The following EFCAB5 variants were observed in gnomAD, a reference collection of about 807,000 sequenced individuals.
The protein encoded by EFCAB5 is EF-hand calcium-binding domain-containing protein 5.
EFCAB5 carries 131 observed loss-of-function variants against 167.9 expected under a neutral mutation model. That is an observed-to-expected ratio of 0.78 (90% CI 0.68 to 0.90). The LOEUF (loss-of-function observed/expected upper bound fraction) is 0.90, where lower values mean the gene tolerates loss of function less well. EFCAB5 is among the 40% of genes least tolerant of loss of function. EFCAB5 has a pLI of 0.00. For missense variants in EFCAB5, 1,663 were observed against 1,745.2 expected, an observed-to-expected ratio of 0.95 and a Z score of 0.84; for synonymous variants, 574 against 602.8, an observed-to-expected ratio of 0.95 and a Z score of 0.70.
chr17:30,080,700 A>G, intron 16 of EFCAB5, 53 bp from the exon 17 acceptor site: 3 of 1,329,762 alleles, frequency 2.3e-6, no homozygotes, highest in Non-Finnish European at 3.1e-6. Flanking sequence ...TCCATGGTTT[A>G]ATCTAAATCT....
chr17:30,034,657 A>G (rs1229929710), intron 8 of EFCAB5, among the ~76,000 whole-genome samples: 1 of 152,212 alleles, frequency 6.6e-6, no homozygotes, highest in African/African-American at 2.4e-5. Flanking sequence ...GCAAAAACAA[A>G]ATGTAAACTA....
intron 4 of EFCAB5, 127 bp from the exon 5 acceptor site, chr17:29,993,038 T>G: frequency 1.0e-6 from 1 of 994,734 alleles, no homozygotes; most frequent in South Asian, 2.2e-5. Flanking sequence ...ACTACAGGCC[T>G]GAATCAAAGA....
chr17:29,992,917 A>C (rs2068453576), intron 4 of EFCAB5, among the ~76,000 whole-genome samples: 1 of 152,170 alleles, frequency 6.6e-6, no homozygotes, highest in African/African-American at 2.4e-5. Flanking sequence ...ATACTTCTTA[A>C]GTCTAGTATT....
intron 7 of EFCAB5, among the ~76,000 whole-genome samples, chr17:30,013,459 A>G (rs1172313047): frequency 2.0e-5 from 3 of 151,804 alleles, no homozygotes; most frequent in Non-Finnish European, 4.4e-5. Flanking sequence ...GTAAGCTATT[A>G]ATTGTTGCCT....
At chr17:30,072,503 C>T (rs1449391501) in intron 14 of EFCAB5, among the ~76,000 whole-genome samples, 1 of 152,130 alleles carries the variant, frequency 6.6e-6, no homozygotes, top group African/African-American at 2.4e-5. Context: ...GCATAAAATT[C>T]CTGATGCTAT....
chr17:30,090,474 G>A lies in EFCAB5; in HGVS notation c.3737G>A (p.Cys1246Tyr), dbSNP rs2071173336. 1.2e-6 allele frequency: 2 copies of A among 1,614,022 alleles called. No individual in the cohort carries two copies. ...TCAGAAGTTGTTCTGGCTTCTGCCT[G>A]TGGAGAAACGCATATAGTAGTTCCA... is the stretch of plus-strand genomic sequence containing the variant. ...DSSEVVLASA[C>Y]GETHIVVPLR... The change falls in exon 20 of 23, where the codon TGT becomes TAT. Residue 1246 changes from cysteine to tyrosine, a missense_variant. Cys to Tyr is a radical substitution (Grantham distance 194). Transcript: ENST00000394835.
intron 14 of EFCAB5, among the ~76,000 whole-genome samples, chr17:30,065,928 G>A (rs9898424): frequency 0.61 from 92,776 of 152,050 alleles, 30,254 homozygotes; most frequent in African/African-American, 0.85. Context: ...TGCACCCAAC[G>A]TCAGAGCACT....
At chr17:30,069,971 G>T (rs532386727) in intron 14 of EFCAB5, among the ~76,000 whole-genome samples, 41 of 152,284 alleles carry the variant, frequency 2.7e-4, no homozygotes, top group East Asian at 1.4e-3. Context: ...TGGCAGGGGG[G>T]GCTGCTCCAG....
intron 22 of EFCAB5, among the ~76,000 whole-genome samples, chr17:30,095,093 T>C (rs2071270373): frequency 6.6e-6 from 1 of 152,172 alleles, no homozygotes; most frequent in Non-Finnish European, 1.5e-5. Context: ...GCTGCATGTC[T>C]CCCTCCCAGG....
chr17:30,077,654 G>T (rs1265838187), intron 14 of EFCAB5, among the ~76,000 whole-genome samples: 2 of 152,220 alleles, frequency 1.3e-5, no homozygotes, highest in Non-Finnish European at 1.5e-5. Context: ...GAGTAGAATG[G>T]AGATACTGCA....
At chr17:30,076,798 G>A (rs528405305) in intron 14 of EFCAB5, among the ~76,000 whole-genome samples, 17 of 152,254 alleles carry the variant, frequency 1.1e-4, no homozygotes, top group East Asian at 3.9e-4. Context: ...GAGAATAACC[G>A]AAACACCCAC....
chr17:30,069,445 G>T (rs747256580), intron 14 of EFCAB5: 14 of 1,557,674 alleles, frequency 9.0e-6, no homozygotes, highest in Non-Finnish European at 1.2e-5. Context: ...TCACGGAAAA[G>T]GTTTTGCAAC....
At chr17:30,049,311 C>G (rs1301796059) in intron 8 of EFCAB5, among the ~76,000 whole-genome samples, 1 of 152,040 alleles carries the variant, frequency 6.6e-6, no homozygotes, top group African/African-American at 2.4e-5. Context: ...GAAACCCTGT[C>G]TCTACTAAAA....
chr17:30,043,272 T>G (rs746968212), intron 8 of EFCAB5, among the ~76,000 whole-genome samples: 7 of 152,200 alleles, frequency 4.6e-5, no homozygotes, highest in Non-Finnish European at 7.3e-5. Flanking sequence ...AAAGCACATC[T>G]ATGAACAACT....
rs1427688594 is a variant in EFCAB5, at chr17:30,051,150, C to A, written c.1233C>A (p.Ala411=). 17 of 1,613,888 alleles carry A rather than the reference C, an allele frequency of 1.1e-5. No homozygotes were observed. Among genetic ancestry groups the A allele is most frequent in the Non-Finnish European group, 1.4e-5 (17 of 1,179,868 alleles). The change falls in exon 9 of 23, where the codon GCC becomes GCA. Residue 411 remains alanine (A), a synonymous_variant. Transcript: ENST00000394835. The part of the protein sequence containing the change: ...VGFLDRQRTL[A]LLELFYDHSS... ...TTTTGGATCGGCAGAGGACATTGGC[C>A]CTGCTGGAATTGTTCTATGACCATA...
intron 4 of EFCAB5, among the ~76,000 whole-genome samples, chr17:29,974,984 G>A (rs1202547552): frequency 6.6e-6 from 1 of 151,936 alleles, no homozygotes; most frequent in Non-Finnish European, 1.5e-5. Context: ...TTGAGGCCAC[G>A]AGTTCAAGAC....
intron 8 of EFCAB5, among the ~76,000 whole-genome samples, chr17:30,044,028 T>C (rs1459813855): frequency 6.6e-6 from 1 of 152,148 alleles, no homozygotes; most frequent in Non-Finnish European, 1.5e-5. Flanking sequence ...ATATTTATGA[T>C]ATATTTAATG....
At chr17:30,034,412 T>C in intron 8 of EFCAB5, 27 bp downstream of exon 8, 1 of 1,555,954 alleles carries the variant, frequency 6.4e-7, no homozygotes, top group Non-Finnish European at 8.7e-7. Flanking sequence ...AAATAATTGC[T>C]TCTTGGCCAG....
At position 30,056,125 on chromosome 17, in the gene EFCAB5, A is replaced by G; in HGVS notation, c.2334A>G (p.Ala778=). The G allele has an allele frequency of 6.2e-7, 1 of 1,611,874 alleles. No individual in the cohort carries two copies. The highest frequency in any genetic ancestry group is 1.1e-5 in the South Asian group (1 of 90,642). The change falls in exon 12 of 23, where the codon GCA becomes GCG. Residue 778 remains alanine, a synonymous_variant. Transcript: ENST00000394835. ...TCACATTTGAAGATGAGGAACAGGC[A>G]AACTTAATCTATGGTAACTCCAGGT... ...KYVTFEDEEQ[A]NLIYGNSRFT...
Sources: allele counts gnomAD v4.1 joint callset (sites outside exome capture counted in the v4.1 genomes callset), GRCh38; gene constraint gnomAD v4.1.1; transcripts MANE v1.5; gene names NCBI Gene and HGNC (gene_info 2026-07-23, HGNC 2026-07-21).